The following KHK variants were observed in gnomAD, a reference collection of about 807,000 sequenced individuals.
KHK encodes the protein ketohexokinase.
In KHK, 37 loss-of-function variants were observed where a neutral mutation model predicts 36.0. The observed-to-expected ratio is 1.03, with a 90% CI of 0.79 to 1.35. KHK has a LOEUF of 1.35. KHK is among the 40% of genes most tolerant of loss of function. The pLI, the probability that KHK is intolerant of heterozygous loss-of-function variation, is 0.00. For missense variants in KHK, 395 were observed against 391.9 expected, an observed-to-expected ratio of 1.01 and a Z score of -0.07; for synonymous variants, 161 against 162.8, an observed-to-expected ratio of 0.99 and a Z score of 0.08.
In KHK at chr2:27,096,733, C is replaced by T; in HGVS notation, c.349C>T (p.Leu117=). The T allele has an allele frequency of 6.2e-7, 1 of 1,613,870 alleles. No homozygotes were observed. Among genetic ancestry groups the T allele is most frequent in the Non-Finnish European group, 8.5e-7 (1 of 1,179,822 alleles). The part of the protein sequence containing the change: ...NRTIVLHDTS[L]PDVSATDFEK... Reference sequence around the variant, plus strand: ...CTTTTCCATCCTGTGACCTAGGAGCCTGCCAGATGTGTCTGCTACAGACTT... The same window carrying T: ...CTTTTCCATCCTGTGACCTAGGAGCTTGCCAGATGTGTCTGCTACAGACTT... Residue 117 remains leucine, a synonymous_variant, in exon 4 of 8, where the codon CTG becomes TTG. Transcript: ENST00000260598.
At position 27,099,786 on chromosome 2, in the gene KHK, A is replaced by AC. The variant is rs542718971; in HGVS notation, c.*38dup. On this transcript the variant is annotated 3_prime_UTR_variant, in exon 8 of 8. Coordinates refer to ENST00000260598, the MANE Select transcript of KHK (RefSeq NM_006488.3). The stretch of plus-strand genomic sequence containing the variant: ...CGGCTCCTCACACACCATGGAGACT[A>AC]CCATTGCGGCTGCATCGCCTTCTCC... 22 of 1,607,720 alleles carry AC rather than the reference A, an allele frequency of 1.4e-5. No homozygotes were observed. In the East Asian group the frequency reaches 4.7e-4, roughly 35 times the overall value.
At chr2:27,095,207 G>A (rs553273968) in intron 3 of KHK, among the ~76,000 whole-genome samples, 11 of 152,358 alleles carry the variant, frequency 7.2e-5, no homozygotes, top group African/African-American at 2.4e-4. Context: ...AATTTATTAA[G>A]TGATTCCTCC....
Position 27,099,878 on chromosome 2 carries a change from T to C in KHK, c.*128T>C, listed in dbSNP as rs571250340. The C allele has an allele frequency of 3.2e-6, 5 of 1,547,004 alleles. No homozygotes were observed. In the African/African-American group the frequency reaches 4.1e-5, roughly 13 times the overall value. On this transcript the variant is annotated 3_prime_UTR_variant, in exon 8 of 8. Coordinates refer to ENST00000260598, the MANE Select transcript of KHK (RefSeq NM_006488.3). ...CAGATGCAAGCTGTGGGGAGGACTC[T>C]GCCTGTGTCCTGTGTTCCCCACAGG...
At chr2:27,099,122 G>T in intron 5 of KHK, 74 bp from the exon 6 acceptor site, 1 of 1,320,338 alleles carries the variant, frequency 7.6e-7, no homozygotes, top group Non-Finnish European at 1.1e-6. Context: ...GTGTTGTAAT[G>T]GGGGCAACGC....
chr2:27,094,965 C>T (rs1670250103), intron 3 of KHK, 31 bp downstream of exon 3: 1 of 1,612,892 alleles, frequency 6.2e-7, no homozygotes, highest in South Asian at 1.1e-5. Flanking sequence ...CCTGCTACAA[C>T]CCACCAATCA....
At chr2:27,092,084 G>A (rs971959034) in intron 1 of KHK, among the ~76,000 whole-genome samples, 1 of 152,212 alleles carries the variant, frequency 6.6e-6, no homozygotes, top group Admixed American at 6.5e-5. Flanking sequence ...GTTGCCCTAG[G>A]AACAGATGGA....
chr2:27,094,611 G>A (rs753234761), intron 2 of KHK, 189 bp from the exon 3 acceptor site: 3 of 1,614,020 alleles, frequency 1.9e-6, no homozygotes, highest in East Asian at 4.5e-5. Context: ...TACTATGACA[G>A]GTTTGTACAA....
In KHK at chr2:27,087,293, G is replaced by A. The variant is rs755245908; in HGVS notation, c.34G>A (p.Val12Met). 1 of 1,601,188 alleles carries A rather than the reference G, an allele frequency of 6.2e-7. No homozygotes were observed. Among genetic ancestry groups the A allele is most frequent in the Non-Finnish European group, 8.5e-7 (1 of 1,173,612 alleles). Residue 12 changes from valine (V) to methionine (M), a missense_variant, in exon 1 of 8, where the codon GTG becomes ATG. Val to Met is a conservative substitution (Grantham distance 21). Coordinates refer to ENST00000260598, the MANE Select transcript of KHK (RefSeq NM_006488.3). ...GAAGCAGATCCTGTGCGTGGGGCTA[G>A]TGGTGCTGGACGTCATCAGCCTGGT... Reference protein sequence around the residue: ...EEKQILCVGLVVLDVISLVDK... With the variant: ...EEKQILCVGLMVLDVISLVDK...
At chr2:27,093,828 C>G (rs1185327909) in intron 2 of KHK, among the ~76,000 whole-genome samples, 1 of 152,190 alleles carries the variant, frequency 6.6e-6, no homozygotes, top group Non-Finnish European at 1.5e-5. Flanking sequence ...AGTTCTGGAC[C>G]AGGCCCATAC....
At chr2:27,090,136 G>T (rs762610472) in intron 1 of KHK, among the ~76,000 whole-genome samples, 5 of 152,252 alleles carry the variant, frequency 3.3e-5, no homozygotes, top group Non-Finnish European at 7.3e-5. Context: ...ACAGGCGTGA[G>T]CCACCGCGCC....
rs1178420242 is a variant in KHK at position 27,096,726 on chromosome 2, T to G, written c.345-3T>G. 2 of 1,613,314 alleles carry G rather than the reference T, an allele frequency of 1.2e-6. No homozygotes were observed. The highest frequency in any genetic ancestry group is 1.3e-5 in the African/African-American group (1 of 74,890). On this transcript the variant is annotated splice_region_variant and splice_polypyrimidine_tract_variant and intron_variant, in intron 3 of 7. Coordinates refer to ENST00000260598, the MANE Select transcript of KHK (RefSeq NM_006488.3). ...TCTCTGTCTTTTCCATCCTGTGACC[T>G]AGGAGCCTGCCAGATGTGTCTGCTA...
intron 2 of KHK, 47 bp from the exon 3 acceptor site, chr2:27,094,753 T>A (rs780795012): frequency 3.1e-6 from 5 of 1,614,002 alleles, no homozygotes; most frequent in Non-Finnish European, 4.2e-6. Flanking sequence ...TTCCAGGCTC[T>A]AATCTGTGTC....
At position 27,099,270 on chromosome 2, in the gene KHK, T is replaced by TC; in HGVS notation, c.640dup (p.Arg214ProfsTer14). 2 of 1,613,934 alleles carry TC rather than the reference T, an allele frequency of 1.2e-6. No homozygotes were observed. The highest frequency in any genetic ancestry group is 4.5e-5 in the East Asian group (2 of 44,872). ...AGGAAGCCTTGAGGGGCTTGTATGG[T>TC]CGTGTGAGGAAAGGGTGAGCCGGGG... is the stretch of plus-strand genomic sequence containing the variant. On this transcript the variant is annotated frameshift_variant, in exon 6 of 8. Transcript: ENST00000260598. LOFTEE classifies it high-confidence loss of function.
At chr2:27,099,160 A>T in intron 5 of KHK, 36 bp from the exon 6 acceptor site, 1 of 1,599,280 alleles carries the variant, frequency 6.3e-7, no homozygotes, top group South Asian at 1.1e-5. Flanking sequence ...ATGACGAGTT[A>T]GAAGTGACCA....
chr2:27,090,793 C>T (rs1669958247), intron 1 of KHK, among the ~76,000 whole-genome samples: 2 of 151,786 alleles, frequency 1.3e-5, no homozygotes, highest in South Asian at 4.2e-4. Flanking sequence ...GTGGCTCATA[C>T]CTATAATCCC....
intron 2 of KHK, 62 bp downstream of exon 2, chr2:27,092,510 G>A: frequency 8.1e-7 from 1 of 1,234,442 alleles, no homozygotes; most frequent in Non-Finnish European, 1.2e-6. Flanking sequence ...GGAGAAGAAG[G>A]ATGTATCCAC....
chr2:27,090,184 G>A (rs1385295878), intron 1 of KHK, among the ~76,000 whole-genome samples: 1 of 152,210 alleles, frequency 6.6e-6, no homozygotes, highest in Non-Finnish European at 1.5e-5. Flanking sequence ...GGAAATATCA[G>A]TGTGACTTTG....
At position 27,100,373 on chromosome 2, in the gene KHK, G is replaced by A. The variant is rs192172107; in HGVS notation, c.*623G>A. 522 of 1,218,430 alleles carry A rather than the reference G, an allele frequency of 4.3e-4. 9 individuals are homozygous for A. In the Admixed American group the frequency reaches 0.011, roughly 25 times the overall value. 75.5% of individuals were successfully genotyped at this position (1,218,430 alleles called of 1,614,324 possible). ...TCATTGTCCAGAAATACCTCCTCCC[G>A]CTGACTGCCCCAGAGCCTGAAAGTC... On this transcript the variant is annotated 3_prime_UTR_variant, in exon 8 of 8. Transcript: ENST00000260598.
chr2:27,087,786 C>T (rs1345463781), intron 1 of KHK, among the ~76,000 whole-genome samples: 1 of 152,162 alleles, frequency 6.6e-6, no homozygotes, highest in Non-Finnish European at 1.5e-5. Context: ...TATCTCGCAC[C>T]TATTTCTGAG....
Sources: allele counts gnomAD v4.1 joint callset (sites outside exome capture counted in the v4.1 genomes callset), GRCh38; gene constraint gnomAD v4.1.1; transcripts MANE v1.5; gene names NCBI Gene and HGNC (gene_info 2026-07-23, HGNC 2026-07-21).